The following C2CD2 variants were observed in gnomAD, a reference collection of about 807,000 sequenced individuals.
C2CD2 encodes the protein C2 calcium dependent domain containing 2, also known as C2 domain-containing protein 2.
A neutral mutation model predicts 74.3 loss-of-function variants in C2CD2; 43 were observed. The observed-to-expected ratio is 0.58, with a 90% CI of 0.45 to 0.75. C2CD2 has a LOEUF of 0.75. Among genes scored for constraint, C2CD2 ranks in the 30% least tolerant of loss-of-function variants. The probability of loss-of-function intolerance (pLI) is 0.00; values close to 1 mark genes in which losing one functional copy is unlikely to be tolerated. For missense variants in C2CD2, 801 were observed against 916.3 expected (o/e 0.87, Z 1.63); for synonymous variants, 422 against 390.7 (o/e 1.08, Z -0.94).
chr21:41,906,940 T>C, intron 10 of C2CD2, 52 bp downstream of exon 10: 1 of 1,461,684 alleles, frequency 6.8e-7, no homozygotes, highest in Non-Finnish European at 9.5e-7. Context: ...GCAAGGTGGT[T>C]ACAGGCAGGC....
chr21:41,911,733 C>G (rs1329939523), intron 7 of C2CD2, among the ~76,000 whole-genome samples: 1 of 151,704 alleles, frequency 6.6e-6, no homozygotes, highest in Non-Finnish European at 1.5e-5. Flanking sequence ...CTCTGTCACC[C>G]AGGCTGGAAT....
rs928105093 is a variant in C2CD2, at chr21:41,919,216, G to A, written c.493-256C>T. ...TGTGCATGTGCATGTGTATTTGAGC[G>A]TGTGCGGAAGTGTGCATGTGAGCAC... On this transcript the variant is annotated intron_variant, in intron 3 of 13. Coordinates refer to ENST00000380486, the MANE Select transcript of C2CD2 (RefSeq NM_015500.2). Among the ~76,000 whole-genome samples the A allele has an allele frequency of 1.7e-4, 26 of 152,336 alleles. 3 individuals carry two copies. Among genetic ancestry groups the A allele is most frequent in the East Asian group, 5.8e-4 (3 of 5,192 alleles).
chr21:41,942,214 G>A lies in C2CD2; in HGVS notation c.311C>T (p.Pro104Leu), dbSNP rs927189086. 40 of 1,549,462 alleles carry A rather than the reference G, an allele frequency of 2.6e-5. No homozygotes were observed. The highest frequency in any genetic ancestry group is 8.3e-5 in the South Asian group (7 of 83,972). ...GPPFLSFEED[P>L]RQQALELVVQ... Reference sequence around the variant, plus strand: ...CACCAGCTCCAGTGCCTGCTGCCGCGGGTCCTCCTCAAAGGACAGGAAAGG... The same window carrying A: ...CACCAGCTCCAGTGCCTGCTGCCGCAGGTCCTCCTCAAAGGACAGGAAAGG... The change falls in exon 2 of 14, where the codon CCG becomes CTG. Residue 104 changes from proline (P) to leucine (L), a missense_variant. Physicochemically the swap from Pro to Leu is moderately conservative, Grantham distance 98. Transcript: ENST00000380486.
At position 41,907,793 on chromosome 21, in the gene C2CD2, A is replaced by G. The variant is rs566969567; in HGVS notation, c.1019-9T>C. 6.2e-6 allele frequency: 10 copies of G among 1,613,974 alleles called. No individual in the cohort carries two copies. In the South Asian group the frequency reaches 8.8e-5, roughly 14 times the overall value. ...CGCCGTCGCCAGCAGACCTGAAAAG[A>G]TAGGAGACAGGCAAGGGGTGCCGCT... On this transcript the variant is annotated splice_polypyrimidine_tract_variant and intron_variant, in intron 8 of 13. Coordinates refer to ENST00000380486, the MANE Select transcript of C2CD2 (RefSeq NM_015500.2).
At chr21:41,908,076 A>G in intron 8 of C2CD2, 1 of 408,156 alleles carries the variant, frequency 2.5e-6, no homozygotes, top group Non-Finnish European at 4.4e-6. Context: ...GGGGTCGTCC[A>G]GTGACAAAAA....
intron 9 of C2CD2, 128 bp from the exon 10 acceptor site, chr21:41,907,294 T>A: frequency 1.3e-6 from 1 of 764,554 alleles, no homozygotes. Context: ...ACTTAGCATC[T>A]CCAATTAACC....
chr21:41,947,125 T>C (rs888290443), intron 1 of C2CD2, among the ~76,000 whole-genome samples: 5 of 99,460 alleles, frequency 5.0e-5, no homozygotes, highest in South Asian at 3.8e-4. Flanking sequence ...TCTCTCTCTC[T>C]CTCTCTCTCT....
At chr21:41,907,381 AG>A (rs1021704321) in intron 9 of C2CD2, among the ~76,000 whole-genome samples, 1 of 152,266 alleles carries the variant, frequency 6.6e-6, no homozygotes, top group African/African-American at 2.4e-5. Context: ...ACAGAATAGA[AG>A]CTGGGGAACC....
At chr21:41,938,780 C>T (rs1309791155) in intron 2 of C2CD2, among the ~76,000 whole-genome samples, 1 of 144,786 alleles carries the variant, frequency 6.9e-6, no homozygotes, top group Non-Finnish European at 1.5e-5. Context: ...CTCACTTTGT[C>T]ACCCAAGCTG....
chr21:41,930,437 T>C (rs116045400), intron 2 of C2CD2, among the ~76,000 whole-genome samples: 3,313 of 150,356 alleles, frequency 0.022, 173 homozygotes, highest in African/African-American at 0.076. Context: ...GCACAGTAGC[T>C]CACACCTGTT....
chr21:41,935,280 T>C (rs1444518528), intron 2 of C2CD2, among the ~76,000 whole-genome samples: 3 of 152,202 alleles, frequency 2.0e-5, no homozygotes, highest in East Asian at 1.9e-4. Flanking sequence ...GTGTAAATTG[T>C]AGCAAAAAAT....
chr21:41,902,151 C>T (rs999073000), intron 11 of C2CD2, among the ~76,000 whole-genome samples: 4 of 152,092 alleles, frequency 2.6e-5, no homozygotes, highest in Non-Finnish European at 5.9e-5. Context: ...TAAGTTATAC[C>T]TGAATAGAGT....
At chr21:41,912,475 T>G in intron 6 of C2CD2, 35 bp from the exon 7 acceptor site, 1 of 1,045,902 alleles carries the variant, frequency 9.6e-7, no homozygotes, top group Non-Finnish European at 1.3e-6. Flanking sequence ...TGTTGGCGTT[T>G]ATTTTTATTA....
intron 1 of C2CD2, chr21:41,952,814 G>A (rs73221458): frequency 0.15 from 22,457 of 152,296 alleles, 1,933 homozygotes; most frequent in Non-Finnish European, 0.2. Flanking sequence ...CCCCTGTCCC[G>A]GGAGTTGTGA....
rs1347737961 is a variant in C2CD2 at position 41,923,463 on chromosome 21, GT to G, written c.379-1379del. Among the ~76,000 whole-genome samples the G allele has an allele frequency of 1.3e-5, 2 of 152,180 alleles. No individual in the cohort carries two copies. Among genetic ancestry groups the G allele is most frequent in the Non-Finnish European group, 2.9e-5 (2 of 68,026 alleles). On this transcript the variant is annotated intron_variant, in intron 2 of 13. Coordinates refer to ENST00000380486, the MANE Select transcript of C2CD2 (RefSeq NM_015500.2). The surrounding 1 kb of genome is among the most constrained non-coding windows in gnomAD (Gnocchi z 5.8). ...GTTATAGATGTTAGAAGTAAAAAAA[GT>G]TTTCTTAAATTACCCAGAACACAAT...
chr21:41,888,996 G>A lies in C2CD2; in HGVS notation c.*128C>T, dbSNP rs2064714697. 1.4e-6 allele frequency: 1 copy of A among 720,424 alleles called. No homozygotes were observed. Among genetic ancestry groups the A allele is most frequent in the South Asian group, 1.7e-5 (1 of 57,614 alleles). 44.6% of individuals were successfully genotyped at this position (720,424 alleles called of 1,614,324 possible). A position where few individuals can be genotyped will look rare whatever the true frequency, so the allele number is the denominator to read the frequency against. On this transcript the variant is annotated 3_prime_UTR_variant, in exon 14 of 14. Coordinates refer to ENST00000380486, the MANE Select transcript of C2CD2 (RefSeq NM_015500.2). The stretch of plus-strand genomic sequence containing the variant: ...ATTTTGTTTTCCCTTTAAATGACGA[G>A]ATGGTTGGAAGAAACCCAGCAAGAC...
At chr21:41,953,190 C>T in intron 1 of C2CD2, 180 bp downstream of exon 1, 2 of 413,430 alleles carry the variant, frequency 4.8e-6, no homozygotes, top group South Asian at 1.1e-4. Flanking sequence ...TTTGTCTTGT[C>T]TCTCCGTCAA....
intron 8 of C2CD2, among the ~76,000 whole-genome samples, chr21:41,909,017 G>A (rs1309826179): frequency 6.6e-6 from 1 of 152,160 alleles, no homozygotes; most frequent in Non-Finnish European, 1.5e-5. Context: ...ATAGATGGGG[G>A]TGATGGTTGC....
intron 13 of C2CD2, among the ~76,000 whole-genome samples, chr21:41,889,623 C>T (rs1390910788): frequency 7.1e-6 from 1 of 140,804 alleles, no homozygotes; most frequent in Non-Finnish European, 1.5e-5. Flanking sequence ...TATTTATATT[C>T]CTGAATTTTT....
Sources: allele counts gnomAD v4.1 joint callset (sites outside exome capture counted in the v4.1 genomes callset), GRCh38; gene constraint gnomAD v4.1.1; non-coding constraint Gnocchi (gnomAD v3.1); transcripts MANE v1.5; gene names NCBI Gene and HGNC (gene_info 2026-07-23, HGNC 2026-07-21).